CATSPERB: variants seen among roughly 807,000 people sequenced by gnomAD.
CATSPERB encodes the protein catsper channel auxiliary subunit beta.
A neutral mutation model predicts 128.3 loss-of-function variants in CATSPERB; 93 were observed. The observed-to-expected ratio is 0.72, with a 90% CI of 0.61 to 0.86. The LOEUF (loss-of-function observed/expected upper bound fraction) is 0.86. Among genes scored for constraint, CATSPERB ranks in the 40% least tolerant of loss-of-function variants. The pLI is 0.00. For missense variants in CATSPERB, 1,153 were observed against 1,329.5 expected (o/e 0.87, Z 2.06); for synonymous variants, 381 against 448.8 (o/e 0.85, Z 1.91).
chr14:91,682,205 T>C lies in CATSPERB; in HGVS notation c.931+1672A>G, dbSNP rs576675788. Among the ~76,000 whole-genome samples, 8 of 152,282 alleles carry C rather than the reference T, an allele frequency of 5.3e-5. No homozygotes were observed. The South Asian group carries it at 1.4e-3, about 28-fold the overall frequency. On this transcript the variant is annotated intron_variant, in intron 11 of 26. Coordinates refer to ENST00000256343, the MANE Select transcript of CATSPERB (RefSeq NM_024764.4). ...GGGCAATTCACCCATTTCCCTTTCA[T>C]GGCCATAACTCATCTCATCATAAGC...
Position 91,610,507 on chromosome 14 carries a change from C to G in CATSPERB, c.2571G>C (p.Gln857His), listed in dbSNP as rs369633790. The G allele has an allele frequency of 5.0e-6, 8 of 1,613,606 alleles. No individual in the cohort carries two copies. Among genetic ancestry groups the G allele is most frequent in the African/African-American group, 1.3e-5 (1 of 74,864 alleles). The change falls in exon 21 of 27, where the codon CAG (glutamine) becomes CAC (histidine). Residue 857 changes from glutamine to histidine, a missense_variant. Coordinates refer to ENST00000256343, the MANE Select transcript of CATSPERB (RefSeq NM_024764.4). ...DWISGVHKDS[Q>H]GFNLIKTLPI... is the part of the protein sequence containing the mutation. ...GCAAAGTTTTGATGAGGTTAAAACC[C>G]TGACTGTCTTTATGAACTCCACTAA... is the stretch of plus-strand genomic sequence containing the variant.
intron 11 of CATSPERB, among the ~76,000 whole-genome samples, chr14:91,674,608 A>C (rs781713721): frequency 4.6e-5 from 7 of 151,826 alleles, no homozygotes; most frequent in African/African-American, 7.3e-5. Flanking sequence ...TCCTTTCTTG[A>C]TTTTTGCCTT....
At chr14:91,620,868 C>A (rs1272871421) in intron 19 of CATSPERB, among the ~76,000 whole-genome samples, 1 of 152,130 alleles carries the variant, frequency 6.6e-6, no homozygotes, top group Non-Finnish European at 1.5e-5. Context: ...TTTGGCTGAA[C>A]AATATCTGCA....
chr14:91,585,271 T>A (rs961838402), intron 26 of CATSPERB, among the ~76,000 whole-genome samples: 2 of 152,208 alleles, frequency 1.3e-5, no homozygotes, highest in Admixed American at 1.3e-4. Context: ...CACCTTGGCC[T>A]CCCAAAGTGC....
At chr14:91,709,917 C>T (rs1367267553) in intron 5 of CATSPERB, 1 of 152,310 alleles carries the variant, frequency 6.6e-6, no homozygotes, top group African/African-American at 2.4e-5. Flanking sequence ...TGCTTATTAA[C>T]TAGCATGCAC....
chr14:91,589,804 T>C, intron 23 of CATSPERB, 135 bp from the exon 24 acceptor site: 2 of 727,654 alleles, frequency 2.7e-6, no homozygotes, highest in African/African-American at 3.5e-5. Context: ...GGTTTCTGCC[T>C]TTTCAGTCAT....
chr14:91,609,726 T>A lies in CATSPERB; in HGVS notation c.2598+754A>T, dbSNP rs1336928693. ...TTTATTAATTTTTTAGATATTTCTT[T>A]TTAAAATTTATGTATTTATTTTTGA... On this transcript the variant is annotated intron_variant, in intron 21 of 26. Coordinates refer to ENST00000256343, the MANE Select transcript of CATSPERB (RefSeq NM_024764.4). Among the ~76,000 whole-genome samples the A allele has an allele frequency of 2.0e-5, 3 of 152,324 alleles. No homozygotes were observed. The East Asian group carries it at 5.8e-4, about 29-fold the overall frequency.
rs201598349 is a variant in CATSPERB, at chr14:91,624,860, A to G, written c.1890T>C (p.Asn630=). The change falls in exon 18 of 27, where the codon AAT becomes AAC. Residue 630 remains asparagine (N), a synonymous_variant. Coordinates refer to ENST00000256343, the MANE Select transcript of CATSPERB (RefSeq NM_024764.4). Reference sequence around the variant, plus strand: ...TGAGTTTATAGACATTTCCAGCTTTATTAATCAAAAGGGAACTAGACAAAC... The same window carrying G: ...TGAGTTTATAGACATTTCCAGCTTTGTTAATCAAAAGGGAACTAGACAAAC... ...SSCLSSSLLI[N]KAGNVYKLTL... is the part of the protein sequence containing the mutation. The G allele has an allele frequency of 6.2e-7, 1 of 1,609,594 alleles. No homozygotes were observed. The highest frequency in any genetic ancestry group is 8.5e-7 in the Non-Finnish European group (1 of 1,178,898).
At chr14:91,715,873 T>C (rs1895929469) in intron 5 of CATSPERB, among the ~76,000 whole-genome samples, 2 of 152,180 alleles carry the variant, frequency 1.3e-5, no homozygotes, top group African/African-American at 2.4e-5. Flanking sequence ...CTGGAATAAC[T>C]GGGTATCCAT....
chr14:91,725,690 T>G (rs1030296816), intron 2 of CATSPERB, among the ~76,000 whole-genome samples: 1 of 152,002 alleles, frequency 6.6e-6, no homozygotes, highest in Admixed American at 6.6e-5. Flanking sequence ...AAGAGATGAT[T>G]TGGTGGAGAG....
chr14:91,703,615 G>A (rs181099963), intron 7 of CATSPERB, among the ~76,000 whole-genome samples: 74 of 152,294 alleles, frequency 4.9e-4, no homozygotes, highest in Admixed American at 4.3e-3. Flanking sequence ...ATTGATCAAT[G>A]CCTATGTGAT....
chr14:91,647,796 G>A (rs1209221018), intron 15 of CATSPERB, among the ~76,000 whole-genome samples: 1 of 152,190 alleles, frequency 6.6e-6, no homozygotes, highest in African/African-American at 2.4e-5. Context: ...AATTCAAGGT[G>A]AGATTTAGTT....
intron 9 of CATSPERB, 33 bp downstream of exon 9, chr14:91,693,093 G>C: frequency 1.5e-6 from 2 of 1,301,406 alleles, no homozygotes; most frequent in Non-Finnish European, 2.2e-6. Flanking sequence ...AGATATTTAA[G>C]ATTAGCTATT....
chr14:91,674,878 G>C (rs1895163414), intron 11 of CATSPERB, among the ~76,000 whole-genome samples: 1 of 152,180 alleles, frequency 6.6e-6, no homozygotes, highest in Non-Finnish European at 1.5e-5. Flanking sequence ...CACAGACCTT[G>C]CACCCAGCAT....
chr14:91,697,155 G>A (rs1895576359), intron 7 of CATSPERB, among the ~76,000 whole-genome samples: 2 of 152,170 alleles, frequency 1.3e-5, no homozygotes, highest in African/African-American at 4.8e-5. Flanking sequence ...TCAGTGAAAT[G>A]TCAAAATGAG....
At chr14:91,616,586 TTTCACCA>T (rs1893938782) in intron 20 of CATSPERB, among the ~76,000 whole-genome samples, 2 of 152,186 alleles carry the variant, frequency 1.3e-5, no homozygotes, top group Non-Finnish European at 2.9e-5. Flanking sequence ...GTATTTTATT[TTTCACCA>T]TTTAGTTTTC....
At chr14:91,582,634 G>C (rs1347363588) in intron 26 of CATSPERB, among the ~76,000 whole-genome samples, 1 of 152,006 alleles carries the variant, frequency 6.6e-6, no homozygotes, top group Non-Finnish European at 1.5e-5. Flanking sequence ...GCCCACCTTT[G>C]AGTGGTACCT....
chr14:91,628,123 C>T (rs1013189656), intron 17 of CATSPERB, among the ~76,000 whole-genome samples: 2 of 152,016 alleles, frequency 1.3e-5, no homozygotes, highest in Non-Finnish European at 2.9e-5. Flanking sequence ...ATCTTTATGC[C>T]AAAGTGGCAT....
chr14:91,624,985 T>C lies in CATSPERB; in HGVS notation c.1765A>G (p.Arg589Gly). The C allele has an allele frequency of 6.3e-7, 1 of 1,584,392 alleles. No individual in the cohort carries two copies. The highest frequency in any genetic ancestry group is 8.5e-7 in the Non-Finnish European group (1 of 1,171,130). The change falls in exon 18 of 27, where the codon AGA becomes GGA. Residue 589 changes from arginine (R) to glycine (G), a missense_variant. Transcript: ENST00000256343. The part of the protein sequence containing the change: ...HSGKTGRAYI[R>G]KVLQHTTPKG... The stretch of plus-strand genomic sequence containing the variant: ...GGAGTCGTATGTTGCAATACCTTTC[T>C]TATGTAAGCTCTTCCAGTTTTCCTA...
Sources: gnomAD v4.1 joint callset for allele counts (sites outside exome capture counted in the v4.1 genomes callset) on GRCh38, gnomAD v4.1.1 for gene constraint, MANE v1.5 for transcripts, NCBI Gene and HGNC (gene_info 2026-07-23, HGNC 2026-07-21) for gene names.